LDB2: variants seen among roughly 807,000 people sequenced by gnomAD.
LDB2 encodes the protein LIM domain-binding protein 2.
A neutral mutation model predicts 44.3 loss-of-function variants in LDB2; 12 were observed. The observed-to-expected ratio is 0.27, with a 90% CI of 0.17 to 0.44. The LOEUF is 0.44. Ranked by LOEUF, LDB2 falls within the 20% of genes least tolerant of loss-of-function variation. The pLI, the probability that LDB2 is intolerant of heterozygous loss-of-function variation, is 1.00. For synonymous variants in LDB2, 164 were observed against 174.8 expected (o/e 0.94, Z 0.49); for missense variants, 344 against 473.5 (o/e 0.73, Z 2.54).
At chr4:16,522,270 GTGTGTT>G (rs746512836) in intron 5 of LDB2, among the ~76,000 whole-genome samples, 2 of 136,134 alleles carry the variant, frequency 1.5e-5, no homozygotes, top group Non-Finnish European at 3.2e-5. Context: ...CGCCGTGTGT[GTGTGTT>G]TGTGTGTGTG....
Position 16,523,899 on chromosome 4 carries a change from A to T in LDB2, c.616-11795T>A, listed in dbSNP as rs74712830. On this transcript the variant is annotated intron_variant, in intron 5 of 7. Transcript: ENST00000304523. ...GGAAACAAAACCATAGGTAAGAAAGACCTGCAGCAACTAATATTACGCCCT... is the reference window on the plus strand; with the variant it reads ...GGAAACAAAACCATAGGTAAGAAAGTCCTGCAGCAACTAATATTACGCCCT... Among the ~76,000 whole-genome samples, 1,718 of 152,330 alleles carry T rather than the reference A, an allele frequency of 0.011. 173 individuals are homozygous for T. In the East Asian group the frequency reaches 0.24, roughly 22 times the overall value.
chr4:16,606,633 C>T (rs62296931), intron 2 of LDB2, among the ~76,000 whole-genome samples: 1 of 152,122 alleles, frequency 6.6e-6, no homozygotes, highest in African/African-American at 2.4e-5. Context: ...GTTATTGCTC[C>T]AAGTGACTAA....
At chr4:16,867,990 A>G (rs1715266222) in intron 1 of LDB2, among the ~76,000 whole-genome samples, 4 of 152,186 alleles carry the variant, frequency 2.6e-5, no homozygotes, top group African/African-American at 9.7e-5. Context: ...TAAAGTCCAG[A>G]CCTCTCAAAT....
intron 5 of LDB2, among the ~76,000 whole-genome samples, chr4:16,552,267 T>C (rs1737942957): frequency 6.6e-6 from 1 of 152,220 alleles, no homozygotes; most frequent in African/African-American, 2.4e-5. Flanking sequence ...CAGATGGCGG[T>C]GACCCAGGAG....
chr4:16,742,814 C>T (rs966320672), intron 2 of LDB2, among the ~76,000 whole-genome samples: 2 of 152,154 alleles, frequency 1.3e-5, no homozygotes, highest in South Asian at 2.1e-4. Context: ...ACCATTTTCC[C>T]GAAATACCTT....
chr4:16,678,015 C>T lies in LDB2; in HGVS notation c.235+81143G>A, dbSNP rs572601454. ...GCAGCATCTGAAACTTGATTATGAGCGGTATTGGTGACTTCCATTTGAAAG... is the reference window on the plus strand; with the variant it reads ...GCAGCATCTGAAACTTGATTATGAGTGGTATTGGTGACTTCCATTTGAAAG... On this transcript the variant is annotated intron_variant, in intron 2 of 7. Transcript: ENST00000304523. Among the ~76,000 whole-genome samples the T allele has an allele frequency of 1.6e-4, 25 of 152,270 alleles. 3 individuals carry two copies. In the South Asian group the frequency reaches 4.8e-3, roughly 29 times the overall value.
At position 16,801,857 on chromosome 4, in the gene LDB2, G is replaced by T. The variant is rs768337090; in HGVS notation, c.133-42597C>A. On this transcript the variant is annotated intron_variant, in intron 1 of 7. Coordinates refer to ENST00000304523, the MANE Select transcript of LDB2 (RefSeq NM_001290.5). The stretch of plus-strand genomic sequence containing the variant: ...GTTTGGAAAAGGTGCTTTCAGGAAA[G>T]AGGCAAACTAGTGAATCATTTTTGA... 2.4e-4 allele frequency among the ~76,000 whole-genome samples: 37 copies of T among 152,156 alleles called. 1 individual carries two copies. Among genetic ancestry groups the T allele is most frequent in the Admixed American group, 1.3e-3 (20 of 15,274 alleles).
chr4:16,792,110 T>C (rs1227398501), intron 1 of LDB2, among the ~76,000 whole-genome samples: 3 of 152,176 alleles, frequency 2.0e-5, no homozygotes, highest in Non-Finnish European at 2.9e-5. Context: ...AGAAACAAAA[T>C]GGGTGTGGAT....
At chr4:16,555,098 T>A (rs1425987904) in intron 5 of LDB2, among the ~76,000 whole-genome samples, 1 of 662 alleles carries the variant, frequency 1.5e-3, no homozygotes, top group Admixed American at 0.022. Context: ...TGGAGTGGTT[T>A]TTTTTTTTTT....
At chr4:16,636,015 A>G (rs80188820) in intron 2 of LDB2, among the ~76,000 whole-genome samples, 3,927 of 152,258 alleles carry the variant, frequency 0.026, 59 homozygotes, top group East Asian at 0.057. Context: ...GCCAATAGAG[A>G]TTGATTATAT....
At chr4:16,545,594 T>C (rs1362753091) in intron 5 of LDB2, among the ~76,000 whole-genome samples, 3 of 152,192 alleles carry the variant, frequency 2.0e-5, no homozygotes, top group Non-Finnish European at 4.4e-5. Flanking sequence ...GAAGGGTTAT[T>C]CTGTATTCAC....
Position 16,674,339 on chromosome 4 carries a change from T to A in LDB2, c.236-78464A>T. The A allele has an allele frequency of 3.5e-6, 4 of 1,153,714 alleles. No homozygotes were observed. The South Asian group carries it at 5.1e-5, about 15-fold the overall frequency. 71.5% of individuals were successfully genotyped at this position (1,153,714 alleles called of 1,614,324 possible). The stretch of plus-strand genomic sequence containing the variant: ...GCACAACTGCAGAAAGACAGTGCTC[T>A]TTGTCTCTGAGATGCAAAGATAAGA... On this transcript the variant is annotated intron_variant, in intron 2 of 7. Coordinates refer to ENST00000304523, the MANE Select transcript of LDB2 (RefSeq NM_001290.5).
intron 2 of LDB2, among the ~76,000 whole-genome samples, chr4:16,635,780 T>C (rs1207455109): frequency 6.6e-6 from 1 of 152,234 alleles, no homozygotes; most frequent in Non-Finnish European, 1.5e-5. Context: ...CCCTCCTATA[T>C]GTGCTGTTTC....
At chr4:16,805,728 G>T (rs924999374) in intron 1 of LDB2, among the ~76,000 whole-genome samples, 5 of 152,206 alleles carry the variant, frequency 3.3e-5, no homozygotes, top group Non-Finnish European at 7.3e-5. Context: ...GACGAAAGAT[G>T]ATTCCTCTGA....
chr4:16,706,848 C>T (rs188919897), intron 2 of LDB2, among the ~76,000 whole-genome samples: 13 of 152,220 alleles, frequency 8.5e-5, no homozygotes, highest in Middle Eastern at 3.4e-3. Context: ...TACCTCAAGG[C>T]AGATAGGGTG....
At chr4:16,884,674 G>C (rs1721126604) in intron 1 of LDB2, among the ~76,000 whole-genome samples, 3 of 152,066 alleles carry the variant, frequency 2.0e-5, no homozygotes, top group Admixed American at 2.0e-4. Context: ...TCTTTTAAGA[G>C]AAGGACTCTG....
intron 2 of LDB2, among the ~76,000 whole-genome samples, chr4:16,652,774 G>A (rs917291739): frequency 5.3e-5 from 8 of 152,096 alleles, no homozygotes; most frequent in African/African-American, 1.4e-4. Flanking sequence ...GCTACTTCAC[G>A]GCAGTTGATT....
chr4:16,781,819 G>A (rs1349074879), intron 1 of LDB2, among the ~76,000 whole-genome samples: 1 of 152,086 alleles, frequency 6.6e-6, no homozygotes, highest in East Asian at 1.9e-4. Context: ...TTCAATGACT[G>A]GTGTCCTTAA....
At chr4:16,789,915 C>T (rs1268539002) in intron 1 of LDB2, among the ~76,000 whole-genome samples, 2 of 152,148 alleles carry the variant, frequency 1.3e-5, no homozygotes, top group Non-Finnish European at 2.9e-5. Context: ...CTGGGTGACA[C>T]AGCAAGACTC....
Sources: allele counts gnomAD v4.1 joint callset (sites outside exome capture counted in the v4.1 genomes callset), GRCh38; gene constraint gnomAD v4.1.1; transcripts MANE v1.5; gene names NCBI Gene and HGNC (gene_info 2026-07-23, HGNC 2026-07-21).